Variants in ELOVL7 observed in about 807,000 individuals in gnomAD.
ELOVL7 encodes the protein ELOVL fatty acid elongase 7.
ELOVL7 carries 27 observed loss-of-function variants against 35.7 expected under a neutral mutation model. That is an observed-to-expected ratio of 0.76 (90% CI 0.56 to 1.04). The LOEUF is 1.04. Ranked by LOEUF, ELOVL7 falls within the 50% of genes least tolerant of loss-of-function variation. The pLI, the probability that ELOVL7 is intolerant of heterozygous loss-of-function variation, is 0.00. For missense variants in ELOVL7, 327 were observed against 340.8 expected, an observed-to-expected ratio of 0.96 and a Z score of 0.32; for synonymous variants, 113 against 114.6, an observed-to-expected ratio of 0.99 and a Z score of 0.09.
At chr5:60,797,768 C>G (rs1412946228) in intron 2 of ELOVL7, among the ~76,000 whole-genome samples, 2 of 152,136 alleles carry the variant, frequency 1.3e-5, no homozygotes, top group Non-Finnish European at 2.9e-5. Flanking sequence ...ATCTGAGCAC[C>G]CCCAATAGGC....
At chr5:60,777,553 T>C (rs910559567) in intron 3 of ELOVL7, among the ~76,000 whole-genome samples, 2 of 152,116 alleles carry the variant, frequency 1.3e-5, no homozygotes, top group South Asian at 2.1e-4. Flanking sequence ...CAGCTGGATA[T>C]ATGGATCTAG....
intron 7 of ELOVL7, among the ~76,000 whole-genome samples, chr5:60,760,643 A>T (rs1050976774): frequency 1.3e-5 from 2 of 152,088 alleles, no homozygotes; most frequent in Non-Finnish European, 2.9e-5. Context: ...CTTTAGTTTA[A>T]TTACATCCCA....
chr5:60,838,120 CATT>C (rs903787917), intron 1 of ELOVL7, among the ~76,000 whole-genome samples: 1 of 152,176 alleles, frequency 6.6e-6, no homozygotes, highest in African/African-American at 2.4e-5. Flanking sequence ...TCCCCACTGA[CATT>C]ATGATAAAAT....
Position 60,764,729 on chromosome 5 carries a change from T to A in ELOVL7, c.394-397A>T, listed in dbSNP as rs577563380. ...ATATTCTACATTGCTTTCTAATACA[T>A]CTTACTGATATGGATAAGGGATTAG... On this transcript the variant is annotated intron_variant, in intron 6 of 8. Coordinates refer to ENST00000508821, the MANE Select transcript of ELOVL7 (RefSeq NM_024930.3). Among the ~76,000 whole-genome samples the A allele has an allele frequency of 2.0e-4, 30 of 152,214 alleles. 1 individual carries two copies. The South Asian group carries it at 6.0e-3, about 31-fold the overall frequency.
chr5:60,834,107 G>C (rs565550398), intron 1 of ELOVL7, among the ~76,000 whole-genome samples: 12 of 152,154 alleles, frequency 7.9e-5, no homozygotes, highest in Non-Finnish European at 1.6e-4. Context: ...ATTAAATGCA[G>C]GTAGGAAGCA....
chr5:60,825,171 G>A lies in ELOVL7; in HGVS notation c.-86+18989C>T, dbSNP rs116509838. Among the ~76,000 whole-genome samples the A allele has an allele frequency of 9.6e-3, 1,459 of 152,074 alleles. 24 individuals are homozygous for A. Among genetic ancestry groups the A allele is most frequent in the African/African-American group, 0.033 (1,375 of 41,490 alleles). ...CAAAGTGCTGGGATTACAGGTGTGC[G>A]CCACCATGCCCAGCCTCACTTCTCA... is the stretch of plus-strand genomic sequence containing the variant. On this transcript the variant is annotated intron_variant, in intron 1 of 8. Coordinates refer to ENST00000508821, the MANE Select transcript of ELOVL7 (RefSeq NM_024930.3).
chr5:60,778,010 A>G (rs1743008602), intron 3 of ELOVL7, among the ~76,000 whole-genome samples: 1 of 152,250 alleles, frequency 6.6e-6, no homozygotes, highest in South Asian at 2.1e-4. Flanking sequence ...ATAAAGTTCT[A>G]TAATTTCGGA....
chr5:60,834,121 C>T (rs1267445802), intron 1 of ELOVL7, among the ~76,000 whole-genome samples: 4 of 152,080 alleles, frequency 2.6e-5, no homozygotes, highest in Non-Finnish European at 5.9e-5. Flanking sequence ...GGAAGCAGCT[C>T]TAAGTTCTAC....
At chr5:60,813,526 C>A (rs1423431596) in intron 1 of ELOVL7, among the ~76,000 whole-genome samples, 2 of 152,204 alleles carry the variant, frequency 1.3e-5, no homozygotes, top group African/African-American at 4.8e-5. Flanking sequence ...TCATTCAACA[C>A]TCCCTACTGC....
intron 1 of ELOVL7, among the ~76,000 whole-genome samples, chr5:60,831,445 T>G (rs1209783879): frequency 6.6e-6 from 1 of 152,230 alleles, no homozygotes; most frequent in East Asian, 1.9e-4. Context: ...TTTGGGAGTT[T>G]ATGGACCTTC....
intron 1 of ELOVL7, among the ~76,000 whole-genome samples, chr5:60,810,971 G>A (rs1336712787): frequency 6.6e-6 from 1 of 152,164 alleles, no homozygotes; most frequent in African/African-American, 2.4e-5. Context: ...ACTTAGAAGA[G>A]TAAGTAAATA....
chr5:60,781,205 T>C (rs1325817876), intron 3 of ELOVL7, among the ~76,000 whole-genome samples: 1 of 143,744 alleles, frequency 7.0e-6, no homozygotes, highest in African/African-American at 2.6e-5. Flanking sequence ...AGTAAGACCC[T>C]GTCTCAGAAA....
At chr5:60,778,762 A>G (rs1386490446) in intron 3 of ELOVL7, among the ~76,000 whole-genome samples, 1 of 152,146 alleles carries the variant, frequency 6.6e-6, no homozygotes, top group Non-Finnish European at 1.5e-5. Context: ...AAACACAATC[A>G]TGCCTTCCGA....
At chr5:60,784,849 G>C (rs1158041393) in intron 3 of ELOVL7, among the ~76,000 whole-genome samples, 1 of 151,940 alleles carries the variant, frequency 6.6e-6, no homozygotes, top group African/African-American at 2.4e-5. Flanking sequence ...ACCATGCCTG[G>C]GAAAAAAATT....
intron 2 of ELOVL7, among the ~76,000 whole-genome samples, chr5:60,798,077 A>C (rs1204707901): frequency 1.3e-5 from 2 of 152,152 alleles, no homozygotes; most frequent in African/African-American, 4.8e-5. Flanking sequence ...CTTCTTACAT[A>C]CATTGATTGA....
intron 7 of ELOVL7, among the ~76,000 whole-genome samples, chr5:60,762,299 CAAAAAAA>C (rs3030130): frequency 1.0e-4 from 8 of 79,528 alleles, no homozygotes; most frequent in Admixed American, 8.7e-4. Flanking sequence ...AACTCTGCCT[CAAAAAAA>C]AAAAAAAAAA....
chr5:60,754,631 T>A lies in ELOVL7; in HGVS notation c.839A>T (p.Asp280Val), dbSNP rs1741421767. 6.2e-7 allele frequency: 1 copy of A among 1,614,042 alleles called. No individual in the cohort carries two copies. Among genetic ancestry groups the A allele is most frequent in the South Asian group, 1.1e-5 (1 of 91,070 alleles). ...ATAGACTTATGTTGGGCTTCAATTA[T>A]CTTTGTTTTTGCAAGTTCCATTTTT... The part of the protein sequence containing the change: ...TVKNGTCKNK[D>V]N Residue 280 changes from aspartate to valine, a missense_variant, in exon 9 of 9, where the codon GAT (aspartate) becomes GTT (valine). Coordinates refer to ENST00000508821, the MANE Select transcript of ELOVL7 (RefSeq NM_024930.3).
chr5:60,805,466 G>A (rs1041880877), intron 1 of ELOVL7, among the ~76,000 whole-genome samples: 25 of 152,212 alleles, frequency 1.6e-4, no homozygotes, highest in Admixed American at 1.5e-3. Flanking sequence ...TTTTTTTAGA[G>A]TTAGTTCTGT....
chr5:60,758,487 T>C (rs1003408033), intron 7 of ELOVL7, among the ~76,000 whole-genome samples: 2 of 152,234 alleles, frequency 1.3e-5, no homozygotes, highest in African/African-American at 2.4e-5. Context: ...CTGAATTTAA[T>C]TAATTATTGT....
Sources: gnomAD v4.1 joint callset for allele counts (sites outside exome capture counted in the v4.1 genomes callset) on GRCh38, gnomAD v4.1.1 for gene constraint, MANE v1.5 for transcripts, NCBI Gene and HGNC (gene_info 2026-07-23, HGNC 2026-07-21) for gene names.